CPNE4: variants seen among roughly 807,000 people sequenced by gnomAD.
The protein encoded by CPNE4 is copine 4, also known as copine-4.
Under a neutral mutation model 67.9 loss-of-function variants are expected in CPNE4, and 25 were observed. The observed-to-expected ratio is 0.37, with a 90% CI of 0.27 to 0.51. The LOEUF (loss-of-function observed/expected upper bound fraction) is 0.51. Among genes scored for constraint, CPNE4 ranks in the 20% least tolerant of loss-of-function variants. The pLI is 0.93. For missense variants in CPNE4, 464 were observed against 690.8 expected (o/e 0.67, Z 3.68); for synonymous variants, 242 against 244.9 (o/e 0.99, Z 0.11).
intron 2 of CPNE4, among the ~76,000 whole-genome samples, chr3:131,796,133 G>T (rs947055961): frequency 2.6e-5 from 4 of 151,994 alleles, no homozygotes; most frequent in African/African-American, 9.7e-5. Context: ...TAATATCTTT[G>T]GCTAGAGGAG....
chr3:131,716,570 C>T (rs148665353), intron 3 of CPNE4, among the ~76,000 whole-genome samples: 1 of 152,274 alleles, frequency 6.6e-6, no homozygotes, highest in East Asian at 1.9e-4. Flanking sequence ...AATGTTTTCA[C>T]GCTGTATGTT....
intron 8 of CPNE4, among the ~76,000 whole-genome samples, chr3:131,582,844 G>A (rs983982611): frequency 6.6e-6 from 1 of 152,182 alleles, no homozygotes; most frequent in African/African-American, 2.4e-5. Flanking sequence ...ACAAATGCAC[G>A]AGTGAGTTCT....
At chr3:132,011,418 C>T (rs935537939) in intron 1 of CPNE4, among the ~76,000 whole-genome samples, 2 of 152,126 alleles carry the variant, frequency 1.3e-5, no homozygotes, top group Non-Finnish European at 2.9e-5. Context: ...CCTTGTGGCC[C>T]TTTTAATGAT....
At chr3:131,889,955 A>T (rs1223349188) in intron 2 of CPNE4, among the ~76,000 whole-genome samples, 1 of 152,214 alleles carries the variant, frequency 6.6e-6, no homozygotes, top group East Asian at 1.9e-4. Flanking sequence ...TGGATTAAAG[A>T]CTTAAACATA....
chr3:131,614,614 G>A (rs1449983384), intron 7 of CPNE4, among the ~76,000 whole-genome samples: 1 of 152,148 alleles, frequency 6.6e-6, no homozygotes, highest in African/African-American at 2.4e-5. Context: ...ATTTGGACTT[G>A]GGGTTGACAG....
Position 131,723,561 on chromosome 3 carries a change from T to C in CPNE4, c.245A>G (p.Asp82Gly), listed in dbSNP as rs1427317142. The change falls in exon 3 of 16, where the codon GAC becomes GGC. Residue 82 changes from aspartate to glycine, a missense_variant. Physicochemically the swap from Asp to Gly is moderately conservative, Grantham distance 94. This residue lies in a region of CPNE4 where 170 missense variants were observed against 203.3 expected (regional missense o/e 0.84). Transcript: ENST00000429747. Reference sequence around the variant, plus strand: ...GCGCTGCACCTCCTCAAAGTAAAAGTCCACAGTAAACAGTTTTGAGTACAC... The same window carrying C: ...GCGCTGCACCTCCTCAAAGTAAAAGCCCACAGTAAACAGTTTTGAGTACAC... ...NPVYSKLFTV[D>G]FYFEEVQRLR... 8 of 1,613,990 alleles carry C rather than the reference T, an allele frequency of 5.0e-6. No homozygotes were observed. The highest frequency in any genetic ancestry group is 1.7e-5 in the Admixed American group (1 of 60,000).
chr3:131,857,196 A>C (rs2086482306), intron 2 of CPNE4, among the ~76,000 whole-genome samples: 3 of 152,062 alleles, frequency 2.0e-5, no homozygotes, highest in African/African-American at 7.2e-5. Context: ...TACTAGTGCA[A>C]GATTCTAGTG....
At chr3:131,798,708 G>A (rs942821634) in intron 2 of CPNE4, among the ~76,000 whole-genome samples, 1 of 152,154 alleles carries the variant, frequency 6.6e-6, no homozygotes, top group Non-Finnish European at 1.5e-5. Context: ...AACTAGGCAA[G>A]TGTTTAGAAG....
At chr3:131,567,808 A>G (rs1937133159) in intron 10 of CPNE4, among the ~76,000 whole-genome samples, 1 of 152,014 alleles carries the variant, frequency 6.6e-6, no homozygotes, top group Non-Finnish European at 1.5e-5. Flanking sequence ...AGAGAATAAT[A>G]TATTTTGAAG....
intron 2 of CPNE4, among the ~76,000 whole-genome samples, chr3:131,899,769 G>A (rs1488397349): frequency 6.6e-6 from 1 of 152,100 alleles, no homozygotes; most frequent in Non-Finnish European, 1.5e-5. Flanking sequence ...TTTCATAAAA[G>A]TTCTAGGCTT....
intron 1 of CPNE4, among the ~76,000 whole-genome samples, chr3:132,007,383 C>T (rs928320792): frequency 6.6e-6 from 1 of 152,084 alleles, no homozygotes; most frequent in African/African-American, 2.4e-5. Context: ...TGTCTGCATG[C>T]CAAGTAAGAG....
intron 7 of CPNE4, among the ~76,000 whole-genome samples, chr3:131,589,260 G>A (rs1302879610): frequency 6.6e-6 from 1 of 152,156 alleles, no homozygotes; most frequent in Admixed American, 6.5e-5. Flanking sequence ...TTCAGTCTGT[G>A]GCTGAAGGTC....
At chr3:131,560,631 T>C (rs1363913638) in intron 11 of CPNE4, among the ~76,000 whole-genome samples, 13 of 151,988 alleles carry the variant, frequency 8.6e-5, no homozygotes, top group Admixed American at 7.9e-4. Flanking sequence ...CCCAGTGAGA[T>C]TGTGGGCTAC....
chr3:131,593,400 T>A (rs936135319), intron 7 of CPNE4, among the ~76,000 whole-genome samples: 2 of 152,230 alleles, frequency 1.3e-5, no homozygotes, highest in African/African-American at 4.8e-5. Flanking sequence ...TATCCCTAAG[T>A]ATTTTACTGT....
intron 2 of CPNE4, among the ~76,000 whole-genome samples, chr3:131,802,660 T>C (rs1374914944): frequency 6.6e-6 from 1 of 152,138 alleles, no homozygotes; most frequent in Non-Finnish European, 1.5e-5. Context: ...GACATCAAAA[T>C]ACAGACATCT....
chr3:131,603,007 T>G (rs111614805), intron 7 of CPNE4, among the ~76,000 whole-genome samples: 1 of 152,248 alleles, frequency 6.6e-6, no homozygotes, highest in African/African-American at 2.4e-5. Flanking sequence ...CTATAAAAAG[T>G]TCTGAAATTA....
At chr3:131,697,791 G>A (rs530643946) in intron 4 of CPNE4, among the ~76,000 whole-genome samples, 9 of 152,240 alleles carry the variant, frequency 5.9e-5, no homozygotes, top group South Asian at 2.1e-4. Context: ...TGTGATCACA[G>A]ACACCTTTGG....
chr3:131,644,124 T>C (rs1230558679), intron 7 of CPNE4, among the ~76,000 whole-genome samples: 1 of 151,998 alleles, frequency 6.6e-6, no homozygotes, highest in Admixed American at 6.5e-5. Flanking sequence ...TAGTAGGTCT[T>C]AGGTGGAGCT....
At chr3:132,016,863 A>C (rs760914988) in intron 1 of CPNE4, among the ~76,000 whole-genome samples, 4 of 152,248 alleles carry the variant, frequency 2.6e-5, no homozygotes, top group Non-Finnish European at 5.9e-5. Context: ...TCATGTAACT[A>C]TAACACTATT....
Sources: gnomAD v4.1 joint callset for allele counts (sites outside exome capture counted in the v4.1 genomes callset) on GRCh38, gnomAD v4.1.1 for gene constraint, gnomAD v4.1.1 regional missense constraint, MANE v1.5 for transcripts, NCBI Gene and HGNC (gene_info 2026-07-23, HGNC 2026-07-21) for gene names.